CYFIP1: variants seen among roughly 807,000 people sequenced by gnomAD.
CYFIP1 encodes the protein cytoplasmic FMR1-interacting protein 1.
Under a neutral mutation model 163.5 loss-of-function variants are expected in CYFIP1, and 58 were observed. The ratio of observed to expected loss-of-function variants is 0.35; its 90% confidence interval spans 0.29 to 0.44. The LOEUF is 0.44. CYFIP1 is among the 20% of genes least tolerant of loss of function. CYFIP1 has a pLI of 1.00. For missense variants in CYFIP1, 1,338 were observed against 1,653.8 expected (o/e 0.81, Z 3.31); for synonymous variants, 663 against 660.7 (o/e 1.00, Z -0.05).
In CYFIP1 at chr15:22,912,056, T is replaced by G. The variant is rs1174149093; in HGVS notation, c.2082+123A>C. The G allele has an allele frequency of 7.0e-6, 6 of 859,916 alleles. No individual in the cohort carries two copies. The East Asian group carries it at 8.2e-5, about 12-fold the overall frequency. 53.3% of individuals were successfully genotyped at this position (859,916 alleles called of 1,614,324 possible). ...CACAGAGGAAGGGCTTGCTCCCACA[T>G]GCTTGCTTCGTGGTTTATACTGTCT... On this transcript the variant is annotated intron_variant, in intron 18 of 30. Coordinates refer to ENST00000617928, the MANE Select transcript of CYFIP1 (RefSeq NM_014608.6).
chr15:22,882,088 CG>C lies in CYFIP1; in HGVS notation c.2821-153del, dbSNP rs2059782768. 3 of 647,936 alleles carry C rather than the reference CG, an allele frequency of 4.6e-6. No individual in the cohort carries two copies. The African/African-American group carries it at 5.4e-5, about 12-fold the overall frequency. 40.1% of individuals were successfully genotyped at this position (647,936 alleles called of 1,614,324 possible). ...TCTGGCTGGGGAATAAAATCCACCCCGGGAGAGAGAGCAACCATCACCAGGT... is the reference window on the plus strand; with the variant it reads ...TCTGGCTGGGGAATAAAATCCACCCCGGAGAGAGAGCAACCATCACCAGGT... On this transcript the variant is annotated intron_variant, in intron 24 of 30. Transcript: ENST00000617928.
At chr15:22,941,624 A>G (rs1005998469) in intron 6 of CYFIP1, among the ~76,000 whole-genome samples, 47 of 152,032 alleles carry the variant, frequency 3.1e-4, no homozygotes, top group Non-Finnish European at 4.4e-4. Context: ...GATAGAGGTC[A>G]GAGGAAGAGG....
chr15:22,979,467 C>T (rs1475592946), intron 1 of CYFIP1, among the ~76,000 whole-genome samples: 1 of 152,148 alleles, frequency 6.6e-6, no homozygotes, highest in Non-Finnish European at 1.5e-5. Context: ...CAAACGCTCC[C>T]GAGCCTCAGT....
At chr15:22,964,274 C>CCACACA (rs60879784) in intron 1 of CYFIP1, among the ~76,000 whole-genome samples, 3,026 of 97,144 alleles carry the variant, frequency 0.031, 131 homozygotes, top group South Asian at 0.054. Flanking sequence ...CTCCTCCTCA[C>CCACACA]CACACACACA....
At chr15:22,930,649 A>G (rs943318078) in intron 11 of CYFIP1, among the ~76,000 whole-genome samples, 1 of 152,158 alleles carries the variant, frequency 6.6e-6, no homozygotes, top group Non-Finnish European at 1.5e-5. Flanking sequence ...AAAGCTCAAA[A>G]GGAAAAAAAC....
At chr15:22,931,639 T>C (rs575297390) in intron 11 of CYFIP1, among the ~76,000 whole-genome samples, 39 of 141,142 alleles carry the variant, frequency 2.8e-4, no homozygotes, top group African/African-American at 1.1e-3. Flanking sequence ...AATCAATTAA[T>C]TATCTCATCT....
At chr15:22,908,200 C>G in intron 21 of CYFIP1, among the ~76,000 whole-genome samples, 1 of 152,300 alleles carries the variant, frequency 6.6e-6, no homozygotes, top group Admixed American at 6.5e-5. Flanking sequence ...AAGACTCACA[C>G]TGCAAATTTT....
chr15:22,908,631 C>G (rs776159253), intron 21 of CYFIP1, among the ~76,000 whole-genome samples: 1 of 142,490 alleles, frequency 7.0e-6, no homozygotes, highest in African/African-American at 2.7e-5. Flanking sequence ...TGGATTCAAG[C>G]GATTCTCCTG....
At chr15:22,915,809 T>C (rs2060956454) in intron 16 of CYFIP1, among the ~76,000 whole-genome samples, 1 of 151,714 alleles carries the variant, frequency 6.6e-6, no homozygotes, top group Non-Finnish European at 1.5e-5. Context: ...AAAACCAATG[T>C]CCAGGCTGCA....
intron 1 of CYFIP1, among the ~76,000 whole-genome samples, chr15:22,976,267 C>T (rs1477064414): frequency 6.6e-6 from 1 of 152,074 alleles, no homozygotes; most frequent in African/African-American, 2.4e-5. Context: ...AGGCGATTCT[C>T]CTGCTTCAGC....
intron 28 of CYFIP1, 38 bp from the exon 29 acceptor site, chr15:22,873,767 C>A (rs2059503098): frequency 6.5e-7 from 1 of 1,531,344 alleles, no homozygotes; most frequent in African/African-American, 1.4e-5. Flanking sequence ...CGTGGGCCTC[C>A]AGGCATCCAG....
chr15:22,909,116 C>T lies in CYFIP1; in HGVS notation c.2388+78G>A, dbSNP rs188176110. 98 of 1,574,746 alleles carry T rather than the reference C, an allele frequency of 6.2e-5. 1 individual carries two copies. The African/African-American group carries it at 1.2e-3, about 19-fold the overall frequency. On this transcript the variant is annotated intron_variant, in intron 21 of 30. Coordinates refer to ENST00000617928, the MANE Select transcript of CYFIP1 (RefSeq NM_014608.6). ...TGGTATAGGCCACGCCCGATGAGTG[C>T]ATCTCTTTTATCATCTATACAAGAA...
intron 25 of CYFIP1, among the ~76,000 whole-genome samples, chr15:22,880,261 C>G (rs1037810354): frequency 3.3e-5 from 5 of 152,236 alleles, no homozygotes; most frequent in African/African-American, 9.6e-5. Context: ...GGCCTTGGCT[C>G]TGAAGCCTCT....
chr15:22,947,744 G>T (rs764214883), intron 1 of CYFIP1, among the ~76,000 whole-genome samples: 1 of 152,144 alleles, frequency 6.6e-6, no homozygotes, highest in East Asian at 1.9e-4. Flanking sequence ...AAACACACTA[G>T]GGCCTGACAT....
chr15:22,952,028 ATT>A (rs913423518), intron 1 of CYFIP1, among the ~76,000 whole-genome samples: 1 of 152,142 alleles, frequency 6.6e-6, no homozygotes, highest in African/African-American at 2.4e-5. Context: ...AAATAACAGT[ATT>A]TATGTGGTCA....
intron 1 of CYFIP1, among the ~76,000 whole-genome samples, chr15:22,971,000 C>A (rs1032645841): frequency 2.6e-5 from 4 of 151,948 alleles, no homozygotes; most frequent in African/African-American, 9.7e-5. Flanking sequence ...CGCTTGAACC[C>A]GGGAGGCGGA....
chr15:22,887,001 G>A lies in CYFIP1; in HGVS notation c.2677-3990C>T, dbSNP rs532396718. On this transcript the variant is annotated intron_variant, in intron 23 of 30. Coordinates refer to ENST00000617928, the MANE Select transcript of CYFIP1 (RefSeq NM_014608.6). ...CATCTAGCATTGCTATGTTTTCTTC[G>A]TGGTGGTTTGACTTATTATTATGTA... Among the ~76,000 whole-genome samples, 9 of 152,182 alleles carry A rather than the reference G, an allele frequency of 5.9e-5. No homozygotes were observed. In the East Asian group the frequency reaches 7.7e-4, roughly 13 times the overall value.
intron 1 of CYFIP1, among the ~76,000 whole-genome samples, chr15:22,964,353 T>TCACTCACACACA (rs1555424263): frequency 2.5e-5 from 2 of 78,752 alleles, no homozygotes; most frequent in African/African-American, 5.0e-5. Flanking sequence ...ACCTCATCAC[T>TCACTCACACACA]CACACACACA....
chr15:22,933,935 T>C (rs2061618545), intron 9 of CYFIP1, 42 bp from the exon 10 acceptor site: 3 of 1,417,276 alleles, frequency 2.1e-6, no homozygotes, highest in East Asian at 2.3e-5. Flanking sequence ...TATGTATATT[T>C]AGTCACCAAA....
Sources: gnomAD v4.1 joint callset for allele counts (sites outside exome capture counted in the v4.1 genomes callset) on GRCh38, gnomAD v4.1.1 for gene constraint, MANE v1.5 for transcripts, NCBI Gene and HGNC (gene_info 2026-07-23, HGNC 2026-07-21) for gene names.